The following TNS3 variants were observed in gnomAD, a reference collection of about 807,000 sequenced individuals.
The protein encoded by TNS3 is tensin 3, also known as tensin-3.
In TNS3, 45 loss-of-function variants were observed where a neutral mutation model predicts 140.9. That is an observed-to-expected ratio of 0.32 (90% CI 0.25 to 0.41). TNS3 has a LOEUF of 0.41. TNS3 is among the 10% of genes least tolerant of loss of function. TNS3 has a pLI of 1.00. For missense variants in TNS3, 1,716 were observed against 1,906.7 expected (o/e 0.90, Z 1.86); for synonymous variants, 815 against 788.4 (o/e 1.03, Z -0.56).
intron 1 of TNS3, among the ~76,000 whole-genome samples, chr7:47,540,142 T>G (rs1799743112): frequency 1.3e-5 from 2 of 152,186 alleles, no homozygotes; most frequent in Admixed American, 1.3e-4. Context: ...AGCTTCTGAC[T>G]GCACTTGGTT....
chr7:47,443,960 T>C (rs1032900849), intron 4 of TNS3, among the ~76,000 whole-genome samples: 33 of 152,130 alleles, frequency 2.2e-4, no homozygotes, highest in Admixed American at 1.5e-3. Flanking sequence ...TAGAATACAA[T>C]CCCAGAGTAA....
chr7:47,554,528 G>A (rs1210423746), intron 1 of TNS3, among the ~76,000 whole-genome samples: 2 of 152,146 alleles, frequency 1.3e-5, no homozygotes, highest in Non-Finnish European at 2.9e-5. Context: ...ATTAACAGGA[G>A]TTTGGAAGAA....
At chr7:47,396,990 G>T in intron 15 of TNS3, 86 bp from the exon 16 acceptor site, 1 of 976,628 alleles carries the variant, frequency 1.0e-6, no homozygotes, top group Non-Finnish European at 1.6e-6. Flanking sequence ...CAGGTGAGCA[G>T]CCTGACTTGA....
At chr7:47,395,423 T>A (rs771306337) in intron 16 of TNS3, among the ~76,000 whole-genome samples, 1 of 152,198 alleles carries the variant, frequency 6.6e-6, no homozygotes, top group Non-Finnish European at 1.5e-5. Flanking sequence ...GTGGAAAACA[T>A]CACCATGTGA....
chr7:47,413,126 G>T (rs1793873420), intron 12 of TNS3, among the ~76,000 whole-genome samples: 1 of 151,216 alleles, frequency 6.6e-6, no homozygotes, highest in Admixed American at 6.6e-5. Flanking sequence ...GCTAATTTTT[G>T]TATTTTTAGT....
chr7:47,327,587 T>A (rs550429220), intron 20 of TNS3, among the ~76,000 whole-genome samples: 1 of 152,336 alleles, frequency 6.6e-6, no homozygotes, highest in African/African-American at 2.4e-5. Context: ...GCAGTCCTGT[T>A]CCAGAAAAGC....
intron 1 of TNS3, among the ~76,000 whole-genome samples, chr7:47,572,526 C>G (rs141558503): frequency 6.9e-6 from 1 of 145,696 alleles, no homozygotes; most frequent in Admixed American, 7.1e-5. Context: ...AGTATGCTCT[C>G]GATGACCTAT....
intron 20 of TNS3, among the ~76,000 whole-genome samples, chr7:47,319,677 T>A (rs1787616848): frequency 6.6e-6 from 1 of 152,170 alleles, no homozygotes; most frequent in Non-Finnish European, 1.5e-5. Context: ...TTATTCTATG[T>A]GGCAGATTTC....
At chr7:47,341,246 T>C (rs1248511662) in intron 20 of TNS3, among the ~76,000 whole-genome samples, 3 of 152,238 alleles carry the variant, frequency 2.0e-5, no homozygotes, top group African/African-American at 4.8e-5. Context: ...AGGGTAATAC[T>C]AGCTTCACAA....
At chr7:47,488,114 T>C (rs987086682) in intron 3 of TNS3, among the ~76,000 whole-genome samples, 1 of 152,248 alleles carries the variant, frequency 6.6e-6, no homozygotes, top group Non-Finnish European at 1.5e-5. Context: ...TTTGACTTCT[T>C]ACATTGTATG....
chr7:47,458,930 T>C (rs1796369579), intron 4 of TNS3, among the ~76,000 whole-genome samples: 1 of 152,200 alleles, frequency 6.6e-6, no homozygotes, highest in Non-Finnish European at 1.5e-5. Flanking sequence ...AGCCTCTCTC[T>C]CCCTCCCATA....
chr7:47,567,231 T>A (rs76420742), intron 1 of TNS3, among the ~76,000 whole-genome samples: 2 of 152,162 alleles, frequency 1.3e-5, no homozygotes, highest in East Asian at 1.9e-4. Flanking sequence ...TATTTTCAGA[T>A]GTCATGATTA....
intron 13 of TNS3, among the ~76,000 whole-genome samples, chr7:47,411,509 G>A (rs1793766494): frequency 6.6e-6 from 1 of 151,890 alleles, no homozygotes; most frequent in Admixed American, 6.5e-5. Flanking sequence ...GGTCATGCTC[G>A]CTCGCTGGCC....
intron 12 of TNS3, among the ~76,000 whole-genome samples, chr7:47,413,251 CTTTTTTTTTTTTTT>C (rs71003398): frequency 1.9e-5 from 1 of 52,904 alleles, no homozygotes. Flanking sequence ...CAAGCCTGGC[CTTTTTTTTTTTTTT>C]TTTTTTTTTT....
At chr7:47,419,643 G>A (rs1162028470) in intron 10 of TNS3, among the ~76,000 whole-genome samples, 2 of 152,192 alleles carry the variant, frequency 1.3e-5, no homozygotes, top group Non-Finnish European at 2.9e-5. Flanking sequence ...AGATTACTCT[G>A]GGGATCACAA....
chr7:47,553,615 T>C (rs762138786), intron 1 of TNS3, among the ~76,000 whole-genome samples: 2 of 152,210 alleles, frequency 1.3e-5, no homozygotes, highest in Non-Finnish European at 2.9e-5. Context: ...GTGGAGACAC[T>C]ACTGCTCAGA....
At chr7:47,482,794 G>A (rs115774803) in intron 3 of TNS3, among the ~76,000 whole-genome samples, 7,572 of 152,222 alleles carry the variant, frequency 0.05, 250 homozygotes, top group Non-Finnish European at 0.068. Flanking sequence ...AAACTTAAAT[G>A]CATATTACTA....
At chr7:47,500,851 G>A (rs975578285) in intron 3 of TNS3, among the ~76,000 whole-genome samples, 1 of 152,102 alleles carries the variant, frequency 6.6e-6, no homozygotes, top group Non-Finnish European at 1.5e-5. Context: ...AGGCCAAGGT[G>A]GGTGGATCAC....
chr7:47,482,421 G>A (rs1252824993), intron 3 of TNS3, among the ~76,000 whole-genome samples: 1 of 152,150 alleles, frequency 6.6e-6, no homozygotes, highest in African/African-American at 2.4e-5. Context: ...CTCTCTCAGG[G>A]CCCCTTTAAA....
Sources: gnomAD v4.1 joint callset for allele counts (sites outside exome capture counted in the v4.1 genomes callset) on GRCh38, gnomAD v4.1.1 for gene constraint, MANE v1.5 for transcripts, NCBI Gene and HGNC (gene_info 2026-07-23, HGNC 2026-07-21) for gene names.